The following PACRGL variants were observed in gnomAD, a reference collection of about 807,000 sequenced individuals.
PACRGL encodes the protein PACRG-like protein.
A neutral mutation model predicts 34.5 loss-of-function variants in PACRGL; 38 were observed. That is an observed-to-expected ratio of 1.10 (90% CI 0.85 to 1.44). The LOEUF is 1.44. PACRGL is among the 40% of genes most tolerant of loss of function. The pLI, the probability that PACRGL is intolerant of heterozygous loss-of-function variation, is 0.00. For synonymous variants in PACRGL, 128 were observed against 100.1 expected (o/e 1.28, Z -1.66); for missense variants, 305 against 281.4 (o/e 1.08, Z -0.60).
the PACRGL span, among the ~76,000 whole-genome samples, chr4:20,762,115 G>A: frequency 1.3e-5 from 2 of 152,180 alleles, no homozygotes; most frequent in Non-Finnish European, 1.5e-5. Flanking sequence ...TGGAGGCTAG[G>A]AAGTCTAAGA....
intron 4 of PACRGL, among the ~76,000 whole-genome samples, chr4:20,708,297 G>A (rs1259194184): frequency 1.3e-5 from 2 of 151,636 alleles, no homozygotes; most frequent in African/African-American, 4.8e-5. Flanking sequence ...TTTCTAGACA[G>A]ATGTCAGAAC....
Position 20,731,219 on chromosome 4 carries a change from G to A in PACRGL, c.*3878G>A. The A allele has an allele frequency of 5.6e-6, 1 of 180,090 alleles. No homozygotes were observed. The highest frequency in any genetic ancestry group is 1.1e-5 in the Non-Finnish European group (1 of 93,632). 11.2% of individuals were successfully genotyped at this position (180,090 alleles called of 1,614,324 possible). A position where few individuals can be genotyped will look rare whatever the true frequency, so the allele number is the denominator to read the frequency against. On this transcript the variant is annotated 3_prime_UTR_variant, in exon 9 of 9. Coordinates refer to ENST00000503585, the MANE Select transcript of PACRGL (RefSeq NM_001258345.3). ...CAAGTAGCTGAGACTTCAGCCACGT[G>A]CCACCGTGCCCAGCTAACTTAATTT...
At chr4:20,721,067 C>T (rs1742860618) in intron 7 of PACRGL, among the ~76,000 whole-genome samples, 1 of 152,136 alleles carries the variant, frequency 6.6e-6, no homozygotes, top group Non-Finnish European at 1.5e-5. Flanking sequence ...CGCTTCATTT[C>T]ATTCATTTGA....
chr4:20,744,056 C>G (rs1751832548), intron 8 of PACRGL, among the ~76,000 whole-genome samples: 1 of 152,074 alleles, frequency 6.6e-6, no homozygotes, highest in Admixed American at 6.5e-5. Flanking sequence ...ATCAAAACCA[C>G]AATGAGATAC....
chr4:20,752,055 G>GTTTTTTT lies in PACRGL; in HGVS notation c.*57-496_*57-490dup, dbSNP rs33912651. Among the ~76,000 whole-genome samples the GTTTTTTT allele has an allele frequency of 4.1e-5, 5 of 121,674 alleles. No homozygotes were observed. The East Asian group carries it at 9.7e-4, about 24-fold the overall frequency. 79.8% of individuals were successfully genotyped at this position (121,674 alleles called of 152,430 possible). Reference sequence around the variant, plus strand: ...ACAATATCAGTATGTACTTCATAGAGTTTTTTTTTTTTTTTTTTTTGAGAC... The same window carrying GTTTTTTT: ...ACAATATCAGTATGTACTTCATAGAGTTTTTTTTTTTTTTTTTTTTTTTTTTTGAGAC... On this transcript the variant is annotated intron_variant, in intron 8 of 8. Coordinates refer to the PACRGL transcript ENST00000507634.
At chr4:20,762,643 A>C in the PACRGL span, among the ~76,000 whole-genome samples, 12 of 152,242 alleles carry the variant, frequency 7.9e-5, no homozygotes, top group African/African-American at 2.9e-4. Flanking sequence ...AAAGTGTAAA[A>C]CATAAACAAT....
the PACRGL span, chr4:20,767,034 C>A: frequency 1.3e-5 from 2 of 152,166 alleles, no homozygotes; most frequent in Admixed American, 1.3e-4. Flanking sequence ...CCTTACACAT[C>A]ATATTTGGTC....
At chr4:20,705,698 A>G (rs1380427660) in intron 3 of PACRGL, among the ~76,000 whole-genome samples, 1 of 151,962 alleles carries the variant, frequency 6.6e-6, no homozygotes, top group Non-Finnish European at 1.5e-5. Flanking sequence ...TTAAAGAAGT[A>G]CTTTTTGAAT....
At chr4:20,748,854 G>T (rs1297052495) in intron 8 of PACRGL, among the ~76,000 whole-genome samples, 3 of 147,140 alleles carry the variant, frequency 2.0e-5, no homozygotes, top group Non-Finnish European at 4.5e-5. Flanking sequence ...TTTACCATTT[G>T]AATCATATGA....
chr4:20,734,258 G>A (rs560082869), downstream of PACRGL, among the ~76,000 whole-genome samples: 2 of 152,200 alleles, frequency 1.3e-5, no homozygotes, highest in African/African-American at 2.4e-5. Context: ...CCCCATGATT[G>A]TAAAATTTCA....
downstream of PACRGL, among the ~76,000 whole-genome samples, chr4:20,737,490 A>G (rs1299049028): frequency 2.6e-5 from 4 of 152,108 alleles, no homozygotes; most frequent in East Asian, 7.7e-4. Context: ...GATCCAGAAC[A>G]TGGGTAGATG....
intron 5 of PACRGL, among the ~76,000 whole-genome samples, chr4:20,710,703 C>G (rs1480844386): frequency 6.6e-6 from 1 of 152,048 alleles, no homozygotes; most frequent in African/African-American, 2.4e-5. Context: ...AATTGAGATT[C>G]CTTAATTAAA....
downstream of PACRGL, among the ~76,000 whole-genome samples, chr4:20,756,147 G>A (rs566027510): frequency 6.6e-6 from 1 of 151,546 alleles, no homozygotes; most frequent in South Asian, 2.1e-4. Flanking sequence ...AGGAGATAAC[G>A]GTGGCTCCTT....
chr4:20,732,704 G>C (rs1748623402), downstream of PACRGL: 4 of 1,611,374 alleles, frequency 2.5e-6, no homozygotes, highest in East Asian at 8.9e-5. Context: ...TCAACGTGTT[G>C]TCTGGGAGCA....
chr4:20,697,567 C>G (rs1017404423), upstream of PACRGL, among the ~76,000 whole-genome samples: 2 of 152,110 alleles, frequency 1.3e-5, no homozygotes, highest in Non-Finnish European at 1.5e-5. Flanking sequence ...AGTGCAGTAA[C>G]CTAGAGATAG....
At chr4:20,722,715 C>T (rs1326220478) in intron 7 of PACRGL, among the ~76,000 whole-genome samples, 1 of 152,092 alleles carries the variant, frequency 6.6e-6, no homozygotes, top group African/African-American at 2.4e-5. Context: ...TGGTGTCACC[C>T]GAAACTCCCA....
At chr4:20,761,000 A>G in the PACRGL span, among the ~76,000 whole-genome samples, 1 of 152,172 alleles carries the variant, frequency 6.6e-6, no homozygotes, top group African/African-American at 2.4e-5. Flanking sequence ...GGCTTTTGCT[A>G]TTACTTTCAA....
intron 5 of PACRGL, 173 bp downstream of exon 5, chr4:20,709,946 A>G: frequency 3.8e-6 from 2 of 520,132 alleles, no homozygotes; most frequent in South Asian, 2.9e-5. Flanking sequence ...TTATATAGTT[A>G]TTTGAAATTG....
intron 8 of PACRGL, among the ~76,000 whole-genome samples, chr4:20,743,228 C>A (rs1394785598): frequency 6.6e-6 from 1 of 152,152 alleles, no homozygotes; most frequent in Non-Finnish European, 1.5e-5. Context: ...CCATCCCCAT[C>A]AAGCTACCAA....
Sources: gnomAD v4.1 joint callset for allele counts (sites outside exome capture counted in the v4.1 genomes callset) on GRCh38, gnomAD v4.1.1 for gene constraint, MANE v1.5 for transcripts, NCBI Gene and HGNC (gene_info 2026-07-23, HGNC 2026-07-21) for gene names.